Variants in POF1B observed in about 807,000 individuals in gnomAD.
POF1B encodes the protein POF1B actin binding protein, also known as protein POF1B.
A neutral mutation model predicts 55.3 loss-of-function variants in POF1B; 53 were observed. The ratio of observed to expected loss-of-function variants is 0.96; its 90% confidence interval spans 0.77 to 1.20. The LOEUF (loss-of-function observed/expected upper bound fraction) is 1.20, where lower values mean the gene tolerates loss of function less well. POF1B is among the 50% of genes most tolerant of loss of function. The pLI is 0.00. For synonymous variants in POF1B, 188 were observed against 148.3 expected (o/e 1.27, Z -1.95); for missense variants, 478 against 420.5 (o/e 1.14, Z -1.20).
intron 2 of POF1B, among the ~76,000 whole-genome samples, chrX:85,370,459 C>T (rs1237429523): frequency 8.9e-6 from 1 of 111,753 alleles, no homozygotes; most frequent in African/African-American, 3.2e-5. Context: ...AAAATTACAA[C>T]ATTAAGATGT....
At chrX:85,356,537 T>C (rs1160145192) in intron 4 of POF1B, among the ~76,000 whole-genome samples, 4 of 110,762 alleles carry the variant, frequency 3.6e-5, no homozygotes, top group African/African-American at 1.3e-4. Context: ...CCATATTACT[T>C]GAAATGTCTT....
At chrX:85,337,740 A>G (rs1413101310) in intron 6 of POF1B, among the ~76,000 whole-genome samples, 1 of 112,111 alleles carries the variant, frequency 8.9e-6, no homozygotes. Flanking sequence ...AAAGTGTTGC[A>G]ATGAAAAAAG....
chrX:85,301,839 C>T (rs1471755085), intron 15 of POF1B, among the ~76,000 whole-genome samples: 1 of 111,293 alleles, frequency 9.0e-6, no homozygotes, highest in Non-Finnish European at 1.9e-5. Context: ...ATTAAATATT[C>T]CAGCTAAAAG....
intron 7 of POF1B, among the ~76,000 whole-genome samples, chrX:85,319,116 C>T (rs1158627850): frequency 9.0e-6 from 1 of 110,917 alleles, no homozygotes; most frequent in Non-Finnish European, 1.9e-5. Flanking sequence ...AAGTATTTTA[C>T]TCTTTTTGTG....
chrX:85,321,146 G>T (rs1249429908), intron 7 of POF1B, among the ~76,000 whole-genome samples: 1 of 111,363 alleles, frequency 9.0e-6, no homozygotes, highest in South Asian at 3.8e-4. Context: ...CCAAAAAAGA[G>T]AATTTTAGAC....
chrX:85,348,338 C>T (rs1368254432), intron 5 of POF1B, among the ~76,000 whole-genome samples: 1 of 111,293 alleles, frequency 9.0e-6, no homozygotes, highest in Non-Finnish European at 1.9e-5. Flanking sequence ...ACAGATCAAA[C>T]ATTTCTGATT....
Position 85,303,586 on chromosome X carries a change from A to G in POF1B, c.1567-98T>C, listed in dbSNP as rs1719645390. The stretch of plus-strand genomic sequence containing the variant: ...TAGAAGGGTTACTAACAATGATTAT[A>G]CCCCCTCCCTTTTACCCCTTTTTAG... On this transcript the variant is annotated intron_variant, in intron 14 of 16. Coordinates refer to ENST00000262753, the MANE Select transcript of POF1B (RefSeq NM_024921.4). 3 of 568,650 alleles carry G rather than the reference A, an allele frequency of 5.3e-6. No homozygotes were observed. In the African/African-American group the frequency reaches 7.1e-5, roughly 14 times the overall value. The allele number at this position is 568,650 out of a possible 1,213,427, so 46.9% of individuals were successfully genotyped here.
rs754178672 is a variant in POF1B at position 85,379,230 on chromosome X, G to C, written c.225C>G (p.Leu75=). 8.3e-7 allele frequency: 1 copy of C among 1,211,079 alleles called. No individual in the cohort carries two copies. The highest frequency in any genetic ancestry group is 1.8e-5 in the South Asian group (1 of 56,901). The change falls in exon 2 of 17, where the codon CTC becomes CTG. Residue 75 remains leucine, a synonymous_variant. Coordinates refer to ENST00000262753, the MANE Select transcript of POF1B (RefSeq NM_024921.4). ...ALDPFNSREV[L]SPLKTTSSYQ... is the part of the protein sequence containing the mutation. ...AGGAGGAGGTGGTTTTGAGAGGGGA[G>C]AGCACTTCCCGTGAGTTGAAGGGGT...
chrX:85,378,879 G>A (rs974832253), intron 2 of POF1B, among the ~76,000 whole-genome samples: 3 of 112,375 alleles, frequency 2.7e-5, no homozygotes, highest in African/African-American at 9.7e-5. Flanking sequence ...CTGCTTTGCA[G>A]TAGGGGCAAA....
At chrX:85,305,499 T>G (rs1411360076) in intron 13 of POF1B, among the ~76,000 whole-genome samples, 1 of 111,113 alleles carries the variant, frequency 9.0e-6, no homozygotes, top group African/African-American at 3.3e-5. Flanking sequence ...TTAGGCAAGA[T>G]CATGAAGAGT....
chrX:85,361,861 T>G (rs1473570128), intron 3 of POF1B, among the ~76,000 whole-genome samples: 1 of 111,015 alleles, frequency 9.0e-6, no homozygotes, highest in South Asian at 3.8e-4. Context: ...TGTTTCTCCA[T>G]GTTTGTGTCA....
intron 4 of POF1B, among the ~76,000 whole-genome samples, chrX:85,359,100 G>C (rs1375429640): frequency 9.1e-6 from 1 of 110,151 alleles, no homozygotes; most frequent in Non-Finnish European, 1.9e-5. Context: ...AAGGCATAGG[G>C]ACACTTTTTA....
chrX:85,301,489 T>C (rs1932453865), intron 15 of POF1B, among the ~76,000 whole-genome samples: 1 of 111,414 alleles, frequency 9.0e-6, no homozygotes, highest in Non-Finnish European at 1.9e-5. Flanking sequence ...CTACAAGAAA[T>C]ACTAAAGGGA....
intron 4 of POF1B, among the ~76,000 whole-genome samples, chrX:85,353,978 T>C (rs958783711): frequency 9.0e-6 from 1 of 111,197 alleles, no homozygotes; most frequent in Non-Finnish European, 1.9e-5. Context: ...TACAAATCCA[T>C]TGGGTTTGAC....
Position 85,345,947 on chromosome X carries a change from T to G in POF1B, c.636A>C (p.Gln212His), listed in dbSNP as rs1933260360. 1 of 1,208,184 alleles carries G rather than the reference T, an allele frequency of 8.3e-7. No individual in the cohort carries two copies. Among genetic ancestry groups the G allele is most frequent in the African/African-American group, 1.7e-5 (1 of 57,409 alleles). Residue 212 changes from glutamine to histidine, a missense_variant, in exon 6 of 17, where the codon CAA becomes CAC. Physicochemically the swap from Gln to His is conservative, Grantham distance 24 (BLOSUM62 0). Coordinates refer to ENST00000262753, the MANE Select transcript of POF1B (RefSeq NM_024921.4). ...AHWQQPDSSQ[Q>H]IQAITGNNPI... ...GATTATTTCCTGTGATGGCTTGGAT[T>G]TGCTGGCTAGAATCAGGTTGTTGCC...
rs1228884744 is a variant in POF1B, at chrX:85,282,108, C to T, written c.1764+95G>A. 8 of 953,399 alleles carry T rather than the reference C, an allele frequency of 8.4e-6. No homozygotes were observed. In the African/African-American group the frequency reaches 1.6e-4, roughly 20 times the overall value. 78.6% of individuals were successfully genotyped at this position (953,399 alleles called of 1,213,427 possible). The stretch of plus-strand genomic sequence containing the variant: ...CAGAAAATCTCAAAAGAAAAAAATA[C>T]TCAAAGTTTTTAGTTCATTTGATAT... On this transcript the variant is annotated intron_variant, in intron 16 of 16. Coordinates refer to ENST00000262753, the MANE Select transcript of POF1B (RefSeq NM_024921.4).
At chrX:85,372,238 G>A (rs757521249) in intron 2 of POF1B, among the ~76,000 whole-genome samples, 137 of 108,853 alleles carry the variant, frequency 1.3e-3, no homozygotes, top group Non-Finnish European at 2.3e-3. Flanking sequence ...CAGCTACTCA[G>A]GAGGCTGAGG....
At chrX:85,336,085 C>T (rs748554277) in intron 6 of POF1B, among the ~76,000 whole-genome samples, 1 of 110,849 alleles carries the variant, frequency 9.0e-6, no homozygotes, top group South Asian at 3.8e-4. Flanking sequence ...TTAGTTTCCA[C>T]AAATAAGTGA....
At chrX:85,307,825 C>A (rs182547297) in intron 10 of POF1B, among the ~76,000 whole-genome samples, 5 of 111,574 alleles carry the variant, frequency 4.5e-5, no homozygotes, top group African/African-American at 1.6e-4. Flanking sequence ...GGGAATTTAC[C>A]TCCAATGAGT....
Sources: gnomAD v4.1 joint callset for allele counts (sites outside exome capture counted in the v4.1 genomes callset) on GRCh38, gnomAD v4.1.1 for gene constraint, MANE v1.5 for transcripts, NCBI Gene and HGNC (gene_info 2026-07-23, HGNC 2026-07-21) for gene names.